Variants in WDR70 observed in about 807,000 individuals in gnomAD.
The protein encoded by WDR70 is WD repeat-containing protein 70.
WDR70 carries 53 observed loss-of-function variants against 88.6 expected under a neutral mutation model. The observed-to-expected ratio is 0.60, with a 90% confidence interval of 0.48 to 0.75. The LOEUF (loss-of-function observed/expected upper bound fraction) is 0.75. Ranked by LOEUF, WDR70 falls within the 30% of genes least tolerant of loss-of-function variation. The pLI, the probability that WDR70 is intolerant of heterozygous loss-of-function variation, is 0.00. For missense variants in WDR70, 610 were observed against 823.2 expected, an observed-to-expected ratio of 0.74 and a Z score of 3.17; for synonymous variants, 280 against 270.0, an observed-to-expected ratio of 1.04 and a Z score of -0.36.
chr5:37,672,392 A>G (rs1206952296), intron 10 of WDR70, among the ~76,000 whole-genome samples: 1 of 152,082 alleles, frequency 6.6e-6, no homozygotes, highest in Non-Finnish European at 1.5e-5. Flanking sequence ...CGTCTCCTGC[A>G]TGTCCCTGGG....
At chr5:37,590,178 G>A (rs1414683534) in intron 9 of WDR70, among the ~76,000 whole-genome samples, 1 of 151,996 alleles carries the variant, frequency 6.6e-6, no homozygotes, top group Non-Finnish European at 1.5e-5. Flanking sequence ...AAAAGGATGG[G>A]GAAATTCAAT....
chr5:37,550,745 A>G (rs1581386165), intron 9 of WDR70, among the ~76,000 whole-genome samples: 2 of 106,490 alleles, frequency 1.9e-5, no homozygotes, highest in East Asian at 4.9e-4. Flanking sequence ...CAGTGTTATT[A>G]TTGATAAGTA....
intron 8 of WDR70, among the ~76,000 whole-genome samples, chr5:37,481,159 C>A (rs1174085109): frequency 3.3e-5 from 5 of 152,332 alleles, no homozygotes; most frequent in Admixed American, 2.6e-4. Flanking sequence ...GTGTTGGCAG[C>A]TTTTCCAGGC....
intron 7 of WDR70, among the ~76,000 whole-genome samples, chr5:37,452,734 T>A (rs185862254): frequency 6.6e-6 from 1 of 152,214 alleles, no homozygotes; most frequent in Non-Finnish European, 1.5e-5. Flanking sequence ...CTTGAAGATA[T>A]GGAAACATAG....
At chr5:37,724,891 G>C (rs760988320) in intron 15 of WDR70, 43 bp from the exon 16 acceptor site, 1 of 1,549,080 alleles carries the variant, frequency 6.5e-7, no homozygotes, top group Non-Finnish European at 8.9e-7. Flanking sequence ...TGGATGGGAA[G>C]GTTATTGTTA....
chr5:37,440,216 A>C (rs1292273593), intron 6 of WDR70, among the ~76,000 whole-genome samples: 1 of 152,200 alleles, frequency 6.6e-6, no homozygotes, highest in Non-Finnish European at 1.5e-5. Context: ...CATAATAGTC[A>C]ACTGAACCCT....
intron 3 of WDR70, among the ~76,000 whole-genome samples, chr5:37,384,082 T>C (rs1413237930): frequency 1.3e-5 from 2 of 152,074 alleles, no homozygotes; most frequent in Non-Finnish European, 2.9e-5. Flanking sequence ...ATAAGGATTG[T>C]TTTAAAAAAA....
intron 5 of WDR70, among the ~76,000 whole-genome samples, chr5:37,414,314 C>T (rs1749625647): frequency 6.6e-6 from 1 of 152,132 alleles, no homozygotes; most frequent in Non-Finnish European, 1.5e-5. Context: ...CCACATTGAT[C>T]TTTCTGGTTT....
intron 13 of WDR70, among the ~76,000 whole-genome samples, chr5:37,715,971 GTCTGTAAC>G (rs1747644829): frequency 2.6e-5 from 4 of 152,184 alleles, no homozygotes; most frequent in Middle Eastern, 3.4e-3. Context: ...TCCCAAGGAT[GTCTGTAAC>G]TCTAAGACTG....
intron 9 of WDR70, among the ~76,000 whole-genome samples, chr5:37,522,553 G>A (rs1013456994): frequency 6.6e-6 from 1 of 151,734 alleles, no homozygotes. Flanking sequence ...CCCAGTGTGA[G>A]TGACACAGAA....
intron 10 of WDR70, among the ~76,000 whole-genome samples, chr5:37,661,658 T>G (rs930119101): frequency 5.3e-5 from 8 of 152,132 alleles, no homozygotes; most frequent in Non-Finnish European, 2.9e-5. Flanking sequence ...GGAGATAGAA[T>G]CATAGAGGAT....
chr5:37,446,477 G>A (rs1239840344), intron 7 of WDR70, among the ~76,000 whole-genome samples: 12 of 152,156 alleles, frequency 7.9e-5, no homozygotes, highest in East Asian at 3.9e-4. Context: ...AGCCCGCATC[G>A]CCAAGACAAT....
chr5:37,611,670 A>G (rs1315730630), intron 10 of WDR70, among the ~76,000 whole-genome samples: 1 of 151,902 alleles, frequency 6.6e-6, no homozygotes, highest in African/African-American at 2.4e-5. Flanking sequence ...GATTTTGAAA[A>G]CATTTTATTA....
chr5:37,554,108 C>CTT (rs75489460), intron 9 of WDR70, among the ~76,000 whole-genome samples: 154 of 134,414 alleles, frequency 1.1e-3, no homozygotes, highest in African/African-American at 3.9e-3. Context: ...TGCAATACTC[C>CTT]TTTTTTTTTT....
At chr5:37,586,564 C>A (rs1743370153) in intron 9 of WDR70, among the ~76,000 whole-genome samples, 1 of 152,100 alleles carries the variant, frequency 6.6e-6, no homozygotes, top group Non-Finnish European at 1.5e-5. Flanking sequence ...CCCCTAGCCC[C>A]CCACCCACCG....
At chr5:37,539,720 T>G (rs1741760938) in intron 9 of WDR70, among the ~76,000 whole-genome samples, 1 of 152,254 alleles carries the variant, frequency 6.6e-6, no homozygotes, top group Admixed American at 6.5e-5. Context: ...TTGAGGCGTC[T>G]TACCATTCTA....
chr5:37,390,247 G>GT (rs35473214), intron 3 of WDR70, among the ~76,000 whole-genome samples: 98,187 of 148,320 alleles, frequency 0.66, 37,427 homozygotes, highest in East Asian at 0.87. Context: ...TAATGTAGTA[G>GT]TTTTTTTTTT....
chr5:37,646,048 CCTT>C (rs1427946433), intron 10 of WDR70, among the ~76,000 whole-genome samples: 3 of 151,740 alleles, frequency 2.0e-5, no homozygotes, highest in Non-Finnish European at 4.4e-5. Flanking sequence ...TTCCTTCTTT[CCTT>C]CTTTCTTTCT....
chr5:37,692,121 T>G (rs1746814805), intron 10 of WDR70, among the ~76,000 whole-genome samples: 1 of 152,060 alleles, frequency 6.6e-6, no homozygotes, highest in South Asian at 2.1e-4. Context: ...ATGGATAAAT[T>G]CCTGGACACA....
Sources: gnomAD v4.1 joint callset for allele counts (sites outside exome capture counted in the v4.1 genomes callset) on GRCh38, gnomAD v4.1.1 for gene constraint, MANE v1.5 for transcripts, NCBI Gene and HGNC (gene_info 2026-07-23, HGNC 2026-07-21) for gene names.